PALLD: variants seen among roughly 807,000 people sequenced by gnomAD.
The protein encoded by PALLD is palladin, cytoskeletal associated protein.
In PALLD, 61 loss-of-function variants were observed where a neutral mutation model predicts 123.5. The ratio of observed to expected loss-of-function variants is 0.49; its 90% CI spans 0.40 to 0.61. The LOEUF (loss-of-function observed/expected upper bound fraction) is 0.61, where lower values mean the gene tolerates loss of function less well. Ranked by LOEUF, PALLD falls within the 20% of genes least tolerant of loss-of-function variation. The pLI is 0.00. For synonymous variants in PALLD, 465 were observed against 496.4 expected, an observed-to-expected ratio of 0.94 and a Z score of 0.84; for missense variants, 1,273 against 1,377.0, an observed-to-expected ratio of 0.92 and a Z score of 1.20.
At chr4:168,761,843 T>G (rs1732980426) in intron 10 of PALLD, among the ~76,000 whole-genome samples, 1 of 151,934 alleles carries the variant, frequency 6.6e-6, no homozygotes, top group Non-Finnish European at 1.5e-5. Context: ...AGTGGCATTC[T>G]TTTTGCTTCC....
chr4:168,665,280 G>A (rs993096418), intron 2 of PALLD, among the ~76,000 whole-genome samples: 3 of 152,030 alleles, frequency 2.0e-5, no homozygotes, highest in African/African-American at 7.2e-5. Context: ...CTATCCTATT[G>A]GAATGTAAGT....
At chr4:168,557,758 C>A (rs1767469748) in intron 2 of PALLD, among the ~76,000 whole-genome samples, 1 of 152,164 alleles carries the variant, frequency 6.6e-6, no homozygotes, top group Admixed American at 6.5e-5. Flanking sequence ...ATTCTCAAAC[C>A]TCTGAGCTTG....
At chr4:168,684,556 C>T (rs767992389) in intron 5 of PALLD, among the ~76,000 whole-genome samples, 6 of 152,108 alleles carry the variant, frequency 3.9e-5, no homozygotes, top group Non-Finnish European at 7.3e-5. Context: ...TAAGTTTGTC[C>T]TGAAGATCCA....
intron 10 of PALLD, among the ~76,000 whole-genome samples, chr4:168,738,444 C>T (rs6850545): frequency 0.4 from 60,562 of 150,844 alleles, 12,352 homozygotes; most frequent in African/African-American, 0.44. Context: ...TATTTTTATT[C>T]TTTTGAGATG....
At chr4:168,593,112 A>G (rs915841003) in intron 2 of PALLD, among the ~76,000 whole-genome samples, 2 of 152,100 alleles carry the variant, frequency 1.3e-5, no homozygotes, top group Non-Finnish European at 2.9e-5. Context: ...ATAATCTTCT[A>G]TATAAATTTT....
intron 2 of PALLD, among the ~76,000 whole-genome samples, chr4:168,549,336 T>G (rs1766491281): frequency 6.6e-6 from 1 of 152,148 alleles, no homozygotes; most frequent in African/African-American, 2.4e-5. Context: ...AAACAGATGT[T>G]CATCTCGGTG....
At chr4:168,817,780 AT>A in intron 10 of PALLD, among the ~76,000 whole-genome samples, 1 of 152,250 alleles carries the variant, frequency 6.6e-6, no homozygotes, top group Non-Finnish European at 1.5e-5. Context: ...CAATTTACTT[AT>A]GTCTGCAACT....
At chr4:168,710,975 GC>G (rs1270493026) in intron 9 of PALLD, among the ~76,000 whole-genome samples, 2 of 151,874 alleles carry the variant, frequency 1.3e-5, no homozygotes, top group African/African-American at 4.8e-5. Flanking sequence ...GGCTGTGTGG[GC>G]AAGGTGCAGA....
chr4:168,839,296 C>A (rs951939530), intron 10 of PALLD, among the ~76,000 whole-genome samples: 8 of 152,086 alleles, frequency 5.3e-5, no homozygotes, highest in Admixed American at 4.6e-4. Flanking sequence ...TCTCTTGGGA[C>A]CACCTAAGTC....
intron 2 of PALLD, among the ~76,000 whole-genome samples, chr4:168,543,165 T>C (rs757150406): frequency 3.2e-4 from 48 of 152,126 alleles, no homozygotes; most frequent in Middle Eastern, 3.2e-3. Context: ...GCAAGCTGTG[T>C]GACACTGAGA....
intron 2 of PALLD, among the ~76,000 whole-genome samples, chr4:168,539,135 T>C (rs1442979211): frequency 6.6e-6 from 1 of 152,226 alleles, no homozygotes; most frequent in Non-Finnish European, 1.5e-5. Flanking sequence ...CTTATTTTGT[T>C]TCATCCTTAC....
chr4:168,924,493 T>C, intron 19 of PALLD, 73 bp downstream of exon 19: 2 of 1,367,212 alleles, frequency 1.5e-6, no homozygotes, highest in Non-Finnish European at 2.1e-6. Context: ...ACATTTTATA[T>C]AGCATGGAAA....
At chr4:168,766,803 A>G (rs982556792) in intron 10 of PALLD, among the ~76,000 whole-genome samples, 2 of 152,178 alleles carry the variant, frequency 1.3e-5, no homozygotes, top group African/African-American at 2.4e-5. Flanking sequence ...ATGGTCATTT[A>G]AAGTTGTTTT....
At chr4:168,723,416 A>G (rs943265881) in intron 10 of PALLD, among the ~76,000 whole-genome samples, 1 of 152,220 alleles carries the variant, frequency 6.6e-6, no homozygotes, top group Admixed American at 6.5e-5. Context: ...AGACATCATC[A>G]GGGACAGCCA....
At chr4:168,824,803 A>G (rs1388778963) in intron 10 of PALLD, among the ~76,000 whole-genome samples, 1 of 148,938 alleles carries the variant, frequency 6.7e-6, no homozygotes, top group Non-Finnish European at 1.5e-5. Context: ...TATAAACTAT[A>G]TATCAGATAA....
intron 2 of PALLD, among the ~76,000 whole-genome samples, chr4:168,606,652 A>G (rs541809574): frequency 6.0e-4 from 83 of 138,616 alleles, no homozygotes; most frequent in African/African-American, 2.1e-3. Context: ...GGACAGAGCG[A>G]GACTCCGTCT....
At chr4:168,569,943 C>T (rs1768801445) in intron 2 of PALLD, among the ~76,000 whole-genome samples, 1 of 152,126 alleles carries the variant, frequency 6.6e-6, no homozygotes, top group Non-Finnish European at 1.5e-5. Context: ...ATTTTAATTC[C>T]TGCCAAGCAA....
chr4:168,816,073 C>T (rs917047497), intron 10 of PALLD, among the ~76,000 whole-genome samples: 9 of 152,062 alleles, frequency 5.9e-5, no homozygotes, highest in African/African-American at 1.5e-4. Flanking sequence ...CGCTTTGTTC[C>T]GGGAACCAAA....
At chr4:168,654,847 AG>A (rs2149937487) in intron 2 of PALLD, 1 of 152,340 alleles carries the variant, frequency 6.6e-6, no homozygotes, top group South Asian at 2.1e-4. Context: ...GGAGGAGGAC[AG>A]GTGTTACTTA....
Sources: gnomAD v4.1 joint callset for allele counts (sites outside exome capture counted in the v4.1 genomes callset) on GRCh38, gnomAD v4.1.1 for gene constraint, MANE v1.5 for transcripts, NCBI Gene and HGNC (gene_info 2026-07-23, HGNC 2026-07-21) for gene names.